The following FBXL5 variants were observed in gnomAD, a reference collection of about 807,000 sequenced individuals.
FBXL5 encodes the protein F-box and leucine rich repeat protein 5.
Under a neutral mutation model 78.3 loss-of-function variants are expected in FBXL5, and 26 were observed. That is an observed-to-expected ratio of 0.33 (90% CI 0.24 to 0.46). FBXL5 has a LOEUF of 0.46. Ranked by LOEUF, FBXL5 falls within the 20% of genes least tolerant of loss-of-function variation. The pLI, the probability that FBXL5 is intolerant of heterozygous loss-of-function variation, is 1.00. For synonymous variants in FBXL5, 295 were observed against 282.5 expected (o/e 1.04, Z -0.45); for missense variants, 710 against 829.2 (o/e 0.86, Z 1.77).
At chr4:15,655,468 G>T, upstream of FBXL5, 2 of 877,400 alleles carry the variant, frequency 2.3e-6, no homozygotes, top group Non-Finnish European at 2.7e-6. Context: ...CGATCCCTGC[G>T]GCCCACGTGA....
chr4:15,625,613 T>G lies in FBXL5; in HGVS notation c.1489A>C (p.Arg497=). ...CAAAGACTTTCAACATTTCTATGTC[T>G]CCATTCCACAGTATCTTCAATATCA... ...LADIEDTVEW[R]HRNVESLCVM... The change falls in exon 9 of 11, where the codon AGA becomes CGA. Residue 497 remains arginine (R), a synonymous_variant. Coordinates refer to ENST00000341285, the MANE Select transcript of FBXL5 (RefSeq NM_012161.4). 6.2e-7 allele frequency: 1 copy of G among 1,614,186 alleles called. No individual in the cohort carries two copies. Among genetic ancestry groups the G allele is most frequent in the Non-Finnish European group, 8.5e-7 (1 of 1,180,024 alleles).
intron 7 of FBXL5, among the ~76,000 whole-genome samples, 175 bp from the exon 8 acceptor site, chr4:15,627,130 TC>T (rs369897255): frequency 0.16 from 15,483 of 98,034 alleles, 1,116 homozygotes; most frequent in Non-Finnish European, 0.18. Flanking sequence ...CCTGAGAATC[TC>T]TTTTTTTTTT....
chr4:15,631,817 C>T (rs998163276), intron 5 of FBXL5, among the ~76,000 whole-genome samples: 1 of 151,934 alleles, frequency 6.6e-6, no homozygotes, highest in African/African-American at 2.4e-5. Flanking sequence ...TGGATATTAG[C>T]CCTTTGTCAG....
At chr4:15,671,493 A>T (rs1331528058) in intron 1 of FBXL5, among the ~76,000 whole-genome samples, 1 of 151,934 alleles carries the variant, frequency 6.6e-6, no homozygotes, top group African/African-American at 2.4e-5. Flanking sequence ...GGCTGGTCTC[A>T]AACACCTGGC....
intron 2 of FBXL5, among the ~76,000 whole-genome samples, chr4:15,643,111 AAAGT>A (rs1247382598): frequency 6.6e-6 from 1 of 152,234 alleles, no homozygotes; most frequent in African/African-American, 2.4e-5. Flanking sequence ...ATTCAATAAA[AAAGT>A]AAATCTCCCT....
At position 15,644,660 on chromosome 4, in the gene FBXL5, G is replaced by A; in HGVS notation, c.133C>T (p.Gln45Ter). 1 of 1,613,246 alleles carries A rather than the reference G, an allele frequency of 6.2e-7. No homozygotes were observed. The highest frequency in any genetic ancestry group is 8.5e-7 in the Non-Finnish European group (1 of 1,179,586). ...TCCTTGAAAGTAGCATACAAAGACTGCAGAAGAGCACGGAAATCGTTGTTG... is the reference window on the plus strand; with the variant it reads ...TCCTTGAAAGTAGCATACAAAGACTACAGAAGAGCACGGAAATCGTTGTTG... ...SNNNDFRALLQSLYATFKEFK... is the reference protein window; with the variant it reads ...SNNNDFRALL The change falls in exon 2 of 11, where the codon CAG becomes TAG. Residue 45 changes from glutamine to a stop codon, truncating the protein, a stop_gained. Coordinates refer to ENST00000341285, the MANE Select transcript of FBXL5 (RefSeq NM_012161.4). LOFTEE classifies it high-confidence loss of function.
intron 9 of FBXL5, 24 bp from the exon 10 acceptor site, chr4:15,612,438 T>A (rs769688463): frequency 4.1e-5 from 65 of 1,585,468 alleles, no homozygotes; most frequent in Non-Finnish European, 4.8e-5. Context: ...AATTTGACAA[T>A]TAGAAGATAC....
chr4:15,655,228 C>A lies in FBXL5; in HGVS notation c.60G>T (p.Gln20His). ...CCTTGTCGCAGTAGAGCCCCACCAG[C>A]TGCTTCATCCGCCAGTGTGGGGCGG... ...VFTAPHWRMK[Q>H]LVGLYCDKLS... The change falls in exon 1 of 11, where the codon CAG becomes CAT. Residue 20 changes from glutamine to histidine, a missense_variant. This residue lies in a region of FBXL5 where 132 missense variants were observed against 156.9 expected (regional missense o/e 0.84). Transcript: ENST00000341285. The A allele has an allele frequency of 7.0e-7, 1 of 1,436,850 alleles. No individual in the cohort carries two copies. Among genetic ancestry groups the A allele is most frequent in the Non-Finnish European group, 9.3e-7 (1 of 1,074,632 alleles). The allele number at this position is 1,436,850 out of a possible 1,614,324, so 89.0% of individuals were successfully genotyped here. A position where few individuals can be genotyped will look rare whatever the true frequency, so the allele number is the denominator to read the frequency against.
At chr4:15,633,225 TAC>T (rs767640242) in intron 5 of FBXL5, among the ~76,000 whole-genome samples, 1 of 152,232 alleles carries the variant, frequency 6.6e-6, no homozygotes, top group African/African-American at 2.4e-5. Flanking sequence ...TACAAAAATG[TAC>T]AGAGTCTGCT....
chr4:15,650,714 C>G (rs1370071764), intron 1 of FBXL5, among the ~76,000 whole-genome samples: 6 of 122,434 alleles, frequency 4.9e-5, no homozygotes, highest in Non-Finnish European at 9.4e-5. Context: ...GTCGCCCAGG[C>G]TGGAGTGCAA....
At chr4:15,670,222 C>T (rs554571105) in intron 1 of FBXL5, among the ~76,000 whole-genome samples, 2 of 152,320 alleles carry the variant, frequency 1.3e-5, no homozygotes, top group African/African-American at 4.8e-5. Flanking sequence ...AATAGAGCTA[C>T]AATGGACATT....
At chr4:15,627,131 CTTTTTT>C (rs33920814) in intron 7 of FBXL5, among the ~76,000 whole-genome samples, 176 bp from the exon 8 acceptor site, 1 of 87,826 alleles carries the variant, frequency 1.1e-5, no homozygotes. Flanking sequence ...CTGAGAATCT[CTTTTTT>C]TTTTTTTTTT....
chr4:15,644,447 A>G (rs1715177053), intron 2 of FBXL5, 46 bp downstream of exon 2: 1 of 1,496,362 alleles, frequency 6.7e-7, no homozygotes. Flanking sequence ...ATATACCAGA[A>G]GATGGCACAA....
chr4:15,679,367 T>C (rs915271192), intron 1 of FBXL5, among the ~76,000 whole-genome samples: 5 of 152,076 alleles, frequency 3.3e-5, no homozygotes, highest in African/African-American at 9.7e-5. Flanking sequence ...ATCTACTCTT[T>C]AACAATTATT....
intron 4 of FBXL5, 35 bp from the exon 5 acceptor site, chr4:15,636,711 C>T: frequency 6.9e-7 from 1 of 1,440,054 alleles, no homozygotes; most frequent in Non-Finnish European, 9.3e-7. Context: ...CCAGTAAAGG[C>T]TAAAGAGCAT....
rs766515029 is a variant in FBXL5, at chr4:15,640,788, C to T, written c.396G>A (p.Glu132=). The T allele has an allele frequency of 6.7e-7, 1 of 1,486,264 alleles. No individual in the cohort carries two copies. The highest frequency in any genetic ancestry group is 2.2e-5 in the Admixed American group (1 of 44,506). The allele number at this position is 1,486,264 out of a possible 1,614,324, so 92.1% of individuals were successfully genotyped here. ...ATCACGAAAGAAAAATTATGCTTAC[C>T]TCCTCTTCCTCTTTCATGTGAGGAA... The part of the protein sequence containing the change: ...DFLPHMKEEE[E]VFQPMLMEYF... The change falls in exon 3 of 11, where the codon GAG becomes GAA. Residue 132 remains glutamate (E), a splice_region_variant and synonymous_variant. Transcript: ENST00000341285.
chr4:15,676,615 T>G (rs1048535748), intron 1 of FBXL5, among the ~76,000 whole-genome samples: 2 of 152,076 alleles, frequency 1.3e-5, no homozygotes, highest in African/African-American at 4.8e-5. Context: ...ATAAAAATGT[T>G]ACAGGGTCAT....
chr4:15,613,483 G>A (rs1198570285), intron 9 of FBXL5, among the ~76,000 whole-genome samples: 1 of 152,148 alleles, frequency 6.6e-6, no homozygotes, highest in African/African-American at 2.4e-5. Context: ...AGGAAGGCCA[G>A]AGAAGTTTTC....
chr4:15,623,625 T>C (rs1250229051), intron 9 of FBXL5, among the ~76,000 whole-genome samples: 1 of 152,130 alleles, frequency 6.6e-6, no homozygotes, highest in African/African-American at 2.4e-5. Flanking sequence ...AATACAGACA[T>C]GTAATAAAAA....
Sources: allele counts gnomAD v4.1 joint callset (sites outside exome capture counted in the v4.1 genomes callset), GRCh38; gene constraint gnomAD v4.1.1; regional missense constraint gnomAD v4.1.1; transcripts MANE v1.5; gene names NCBI Gene and HGNC (gene_info 2026-07-23, HGNC 2026-07-21).